The following PSMB7 variants were observed in gnomAD, a reference collection of about 807,000 sequenced individuals.
The protein encoded by PSMB7 is proteasome 20S subunit beta 7.
A neutral mutation model predicts 28.1 loss-of-function variants in PSMB7; 5 were observed. The observed-to-expected ratio is 0.18, with a 90% CI of 0.09 to 0.37. PSMB7 has a LOEUF of 0.37. Among genes scored for constraint, PSMB7 ranks in the 10% least tolerant of loss-of-function variants. PSMB7 has a pLI of 1.00. For synonymous variants in PSMB7, 122 were observed against 123.7 expected, an observed-to-expected ratio of 0.99 and a Z score of 0.09; for missense variants, 275 against 346.2, an observed-to-expected ratio of 0.79 and a Z score of 1.63.
chr9:124,382,211 TTTTTTTTTTTTTTTG>T (rs1273575784), intron 6 of PSMB7, among the ~76,000 whole-genome samples: 3 of 93,632 alleles, frequency 3.2e-5, no homozygotes, highest in African/African-American at 1.1e-4. Flanking sequence ...TTTTTTTTTT[TTTTTTTTTTTTTTTG>T]AGACAAAGTC....
At chr9:124,362,194 A>G (rs1001745511) in intron 6 of PSMB7, among the ~76,000 whole-genome samples, 3 of 152,236 alleles carry the variant, frequency 2.0e-5, no homozygotes, top group African/African-American at 7.2e-5. Flanking sequence ...TTGTAACTAA[A>G]ATTTTTAAAA....
At chr9:124,373,978 C>T (rs1484891352) in intron 6 of PSMB7, among the ~76,000 whole-genome samples, 2 of 152,076 alleles carry the variant, frequency 1.3e-5, no homozygotes, top group Non-Finnish European at 2.9e-5. Context: ...TAAATATAGT[C>T]AAATAGTGAA....
intron 5 of PSMB7, among the ~76,000 whole-genome samples, chr9:124,388,046 A>C (rs1311364568): frequency 6.6e-6 from 1 of 152,220 alleles, no homozygotes. Flanking sequence ...GTAAAACATT[A>C]ATATATTACA....
At chr9:124,413,793 G>C in intron 3 of PSMB7, 115 bp downstream of exon 3, 2 of 676,426 alleles carry the variant, frequency 3.0e-6, no homozygotes, top group East Asian at 2.8e-5. Flanking sequence ...TGCCATTTAA[G>C]GGAGACAGAA....
intron 6 of PSMB7, among the ~76,000 whole-genome samples, chr9:124,362,755 G>GATTA (rs1405048267): frequency 8.5e-5 from 13 of 152,156 alleles, no homozygotes; most frequent in Non-Finnish European, 1.9e-4. Context: ...GGTAATGCAT[G>GATTA]TTAATATATT....
chr9:124,409,737 T>C (rs1159332339), intron 4 of PSMB7, among the ~76,000 whole-genome samples: 1 of 152,214 alleles, frequency 6.6e-6, no homozygotes, highest in Admixed American at 6.5e-5. Context: ...ACAGAAACTA[T>C]TATCCTCATT....
At chr9:124,357,813 A>T (rs571827991) in intron 6 of PSMB7, among the ~76,000 whole-genome samples, 20 of 152,174 alleles carry the variant, frequency 1.3e-4, no homozygotes, top group Non-Finnish European at 2.1e-4. Context: ...TGACCCAAGT[A>T]AGTACAATGC....
chr9:124,414,062 C>G (rs1244836284), intron 2 of PSMB7, 57 bp from the exon 3 acceptor site: 1 of 1,138,724 alleles, frequency 8.8e-7, no homozygotes, highest in African/African-American at 1.5e-5. Context: ...CCGCAACTCT[C>G]TATTCTACTT....
Position 124,414,009 on chromosome 9 carries a change from T to A in PSMB7, c.157-4A>T. 1 of 1,597,362 alleles carries A rather than the reference T, an allele frequency of 6.3e-7. No individual in the cohort carries two copies. The stretch of plus-strand genomic sequence containing the variant: ...CTGCTCCAAGAACTATGCCATCCTA[T>A]TAAAAAAAAAAGTTTTTAAACAATT... On this transcript the variant is annotated splice_region_variant and splice_polypyrimidine_tract_variant and intron_variant, in intron 2 of 7. Transcript: ENST00000259457.
intron 4 of PSMB7, among the ~76,000 whole-genome samples, chr9:124,407,947 G>A (rs371629740): frequency 6.6e-6 from 1 of 152,132 alleles, no homozygotes; most frequent in South Asian, 2.1e-4. Flanking sequence ...AGGAGTTTGA[G>A]ACCAGCCTAA....
chr9:124,403,840 T>G (rs1415116485), intron 5 of PSMB7, among the ~76,000 whole-genome samples: 1 of 151,926 alleles, frequency 6.6e-6, no homozygotes, highest in Non-Finnish European at 1.5e-5. Context: ...GCTTCTACTC[T>G]AGAATTCTAC....
At chr9:124,404,487 G>A (rs1830943780) in intron 5 of PSMB7, among the ~76,000 whole-genome samples, 1 of 152,086 alleles carries the variant, frequency 6.6e-6, no homozygotes, top group South Asian at 2.1e-4. Context: ...CAGATTTCAG[G>A]TTTTGGAATA....
rs994222673 is a variant in PSMB7 at position 124,356,144 on chromosome 9, G to A, written c.722+620C>T. Among the ~76,000 whole-genome samples, 15 of 152,112 alleles carry A rather than the reference G, an allele frequency of 9.9e-5. No individual in the cohort carries two copies. Among genetic ancestry groups the A allele is most frequent in the East Asian group, 1.9e-4 (1 of 5,172 alleles). The stretch of plus-strand genomic sequence containing the variant: ...CGGACAATCACGAGACACTGCAAAC[G>A]AGCTGCTCCTCTGACACATGCTAGC... On this transcript the variant is annotated intron_variant, in intron 7 of 7. Transcript: ENST00000259457. The surrounding 1 kb of genome is among the most constrained non-coding windows in gnomAD (Gnocchi z 4.4).
intron 6 of PSMB7, chr9:124,384,106 C>CT (rs1328575801): frequency 6.5e-6 from 1 of 153,306 alleles, no homozygotes; most frequent in Non-Finnish European, 1.5e-5. Flanking sequence ...TCATTACGCT[C>CT]TGAGATGAAT....
At position 124,356,974 on chromosome 9, in the gene PSMB7, C is replaced by G; in HGVS notation, c.571-59G>C. ...GCCAAACTAGGGCCTGCTCTGACAT[C>G]CGCAATGTACGTCCACTAGCAGTGC... On this transcript the variant is annotated intron_variant, in intron 6 of 7. Coordinates refer to ENST00000259457, the MANE Select transcript of PSMB7 (RefSeq NM_002799.4). The surrounding 1 kb of genome is among the most constrained non-coding windows in gnomAD (Gnocchi z 4.4). The G allele has an allele frequency of 6.3e-7, 1 of 1,598,468 alleles. No individual in the cohort carries two copies. Among genetic ancestry groups the G allele is most frequent in the Non-Finnish European group, 8.6e-7 (1 of 1,168,878 alleles).
At chr9:124,381,370 T>C (rs1830662872) in intron 6 of PSMB7, among the ~76,000 whole-genome samples, 1 of 152,230 alleles carries the variant, frequency 6.6e-6, no homozygotes, top group Non-Finnish European at 1.5e-5. Context: ...TACTGTTGGT[T>C]GAACAATTTG....
rs1422813260 is a variant in PSMB7 at position 124,356,364 on chromosome 9, C to T, written c.722+400G>A. On this transcript the variant is annotated intron_variant, in intron 7 of 7. Transcript: ENST00000259457. The surrounding 1 kb of genome is among the most constrained non-coding windows in gnomAD (Gnocchi z 4.4). The stretch of plus-strand genomic sequence containing the variant: ...CACCTCTGGGAGGCTGTTAGCATTG[C>T]TGACTTACACCCAGTTAGGAATCTC... Among the ~76,000 whole-genome samples, 1 of 152,190 alleles carries T rather than the reference C, an allele frequency of 6.6e-6. No homozygotes were observed. The highest frequency in any genetic ancestry group is 1.5e-5 in the Non-Finnish European group (1 of 68,024).
intron 6 of PSMB7, among the ~76,000 whole-genome samples, chr9:124,371,389 G>A (rs55889721): frequency 2.6e-5 from 4 of 152,114 alleles, no homozygotes; most frequent in African/African-American, 7.2e-5. Flanking sequence ...AACCACAGAC[G>A]ACCTCTTGGA....
intron 5 of PSMB7, among the ~76,000 whole-genome samples, chr9:124,385,296 G>A (rs1395183432): frequency 6.6e-6 from 1 of 152,334 alleles, no homozygotes; most frequent in East Asian, 1.9e-4. Flanking sequence ...GACAGACAAA[G>A]AAACAAAAAT....
Sources: gnomAD v4.1 joint callset for allele counts (sites outside exome capture counted in the v4.1 genomes callset) on GRCh38, gnomAD v4.1.1 for gene constraint, Gnocchi (gnomAD v3.1) non-coding constraint, MANE v1.5 for transcripts, NCBI Gene and HGNC (gene_info 2026-07-23, HGNC 2026-07-21) for gene names.